Variants in SGCD observed in about 807,000 individuals in gnomAD.
SGCD encodes the protein delta-sarcoglycan.
A neutral mutation model predicts 36.6 loss-of-function variants in SGCD; 18 were observed. That is an observed-to-expected ratio of 0.49 (90% CI 0.34 to 0.73). SGCD has a LOEUF of 0.73. Among genes scored for constraint, SGCD ranks in the 30% least tolerant of loss-of-function variants. The pLI is 0.01. For synonymous variants in SGCD, 133 were observed against 130.6 expected, an observed-to-expected ratio of 1.02 and a Z score of -0.12; for missense variants, 387 against 346.7, an observed-to-expected ratio of 1.12 and a Z score of -0.92.
intron 1 of SGCD, among the ~76,000 whole-genome samples, chr5:155,925,777 A>G (rs991920815): frequency 6.6e-6 from 1 of 151,948 alleles, no homozygotes; most frequent in Non-Finnish European, 1.5e-5. Context: ...CACCTTACCC[A>G]GCTAATTTTT....
chr5:156,591,515 G>C (rs1405695025), intron 5 of SGCD, among the ~76,000 whole-genome samples: 3 of 152,184 alleles, frequency 2.0e-5, no homozygotes, highest in Non-Finnish European at 4.4e-5. Context: ...ATGAGGGAGT[G>C]GGGAAGGGTT....
chr5:156,136,447 T>G (rs114009853), intron 3 of SGCD, among the ~76,000 whole-genome samples: 1,809 of 152,302 alleles, frequency 0.012, 37 homozygotes, highest in African/African-American at 0.042. Flanking sequence ...GTTTCTTTTT[T>G]CTCAGAAATG....
chr5:155,871,329 C>A (rs1192136975), intron 1 of SGCD, among the ~76,000 whole-genome samples: 1 of 152,086 alleles, frequency 6.6e-6, no homozygotes, highest in African/African-American at 2.4e-5. Flanking sequence ...ACAGGCACTC[C>A]CAGAATGTGG....
At chr5:156,440,231 A>G (rs1753424561) in intron 3 of SGCD, among the ~76,000 whole-genome samples, 1 of 152,166 alleles carries the variant, frequency 6.6e-6, no homozygotes, top group South Asian at 2.1e-4. Flanking sequence ...AGATGAAATC[A>G]TACAACATTT....
rs200255528 is a variant in SGCD, at chr5:156,055,192, C to CA, written c.-281-62686_-281-62685insA. Among the ~76,000 whole-genome samples the CA allele has an allele frequency of 3.0e-4, 43 of 145,118 alleles. No individual in the cohort carries two copies. The East Asian group carries it at 8.1e-3, about 27-fold the overall frequency. ...GAAGAATTCAGCCCTGAGGCTACTCCTTTTTTTTCTTTCTTTCTTTCTTTT... is the reference window on the plus strand; with the variant it reads ...GAAGAATTCAGCCCTGAGGCTACTCCATTTTTTTTCTTTCTTTCTTTCTTTT... On this transcript the variant is annotated intron_variant, in intron 1 of 9. Coordinates refer to the SGCD transcript ENST00000517913.
At chr5:156,709,533 CTG>C (rs1754891627) in intron 7 of SGCD, among the ~76,000 whole-genome samples, 1 of 152,066 alleles carries the variant, frequency 6.6e-6, no homozygotes, top group Non-Finnish European at 1.5e-5. Context: ...AAGACAAAAA[CTG>C]AAGAGAATAA....
chr5:156,057,052 A>G (rs1760083185), intron 1 of SGCD, among the ~76,000 whole-genome samples: 1 of 146,560 alleles, frequency 6.8e-6, no homozygotes, highest in Admixed American at 6.8e-5. Flanking sequence ...TGATCCATAG[A>G]AAACAGCTTG....
intron 3 of SGCD, among the ~76,000 whole-genome samples, chr5:156,371,901 T>A (rs1561651642): frequency 1.3e-5 from 2 of 152,350 alleles, no homozygotes; most frequent in South Asian, 4.1e-4. Context: ...GTGTCTTTTA[T>A]ATGTTAAATT....
chr5:156,514,957 GATA>G (rs1461130809), intron 4 of SGCD, among the ~76,000 whole-genome samples: 3 of 152,164 alleles, frequency 2.0e-5, no homozygotes, highest in Non-Finnish European at 4.4e-5. Flanking sequence ...TGACAATGAT[GATA>G]ATGATGATGA....
At chr5:156,089,985 G>A (rs1193995398) in intron 1 of SGCD, among the ~76,000 whole-genome samples, 1 of 152,124 alleles carries the variant, frequency 6.6e-6, no homozygotes, top group East Asian at 1.9e-4. Context: ...CTTTCTCAGT[G>A]GAATGGAGTT....
chr5:156,691,510 T>A (rs1754110508), intron 7 of SGCD, among the ~76,000 whole-genome samples: 1 of 152,198 alleles, frequency 6.6e-6, no homozygotes. Flanking sequence ...GTTTGTGACA[T>A]AATTACTCAA....
At chr5:156,151,239 T>A (rs144517835) in intron 3 of SGCD, among the ~76,000 whole-genome samples, 1 of 151,744 alleles carries the variant, frequency 6.6e-6, no homozygotes, top group East Asian at 1.9e-4. Flanking sequence ...GAGACAAACT[T>A]TCCTGTATCT....
At chr5:156,371,600 G>A (rs931494721) in intron 3 of SGCD, among the ~76,000 whole-genome samples, 9 of 152,240 alleles carry the variant, frequency 5.9e-5, no homozygotes, top group Admixed American at 2.6e-4. Flanking sequence ...AAGTAAGCCC[G>A]GAATCAAAAT....
chr5:156,660,435 T>C (rs1763870655), intron 7 of SGCD, among the ~76,000 whole-genome samples: 1 of 152,304 alleles, frequency 6.6e-6, no homozygotes, highest in African/African-American at 2.4e-5. Context: ...GATGGGTTCA[T>C]TGTAGAACTT....
At chr5:156,629,149 G>A (rs1762538858) in intron 6 of SGCD, among the ~76,000 whole-genome samples, 1 of 152,186 alleles carries the variant, frequency 6.6e-6, no homozygotes, top group Non-Finnish European at 1.5e-5. Flanking sequence ...TAAAGTGATT[G>A]GCATTGGAGT....
chr5:156,595,122 T>C, intron 6 of SGCD, 71 bp downstream of exon 6: 2 of 1,515,898 alleles, frequency 1.3e-6, no homozygotes, highest in Non-Finnish European at 8.9e-7. Flanking sequence ...CAAAATGGTG[T>C]TATGAACAGG....
intron 3 of SGCD, among the ~76,000 whole-genome samples, chr5:156,447,452 G>A (rs892186284): frequency 6.6e-6 from 1 of 152,118 alleles, no homozygotes; most frequent in African/African-American, 2.4e-5. Flanking sequence ...CTGTGGCCAT[G>A]TTGCCTTAAT....
rs886933294 is a variant in SGCD, at chr5:156,764,088, A to C, written c.*4698A>C. The C allele has an allele frequency of 5.3e-5, 8 of 152,208 alleles. No homozygotes were observed. Among genetic ancestry groups the C allele is most frequent in the Admixed American group, 6.5e-5 (1 of 15,278 alleles). 9.4% of individuals were successfully genotyped at this position (152,208 alleles called of 1,614,324 possible). A position where few individuals can be genotyped will look rare whatever the true frequency, so the allele number is the denominator to read the frequency against. On this transcript the variant is annotated 3_prime_UTR_variant, in exon 9 of 9. Coordinates refer to ENST00000337851, the MANE Select transcript of SGCD (RefSeq NM_000337.6). ...AATCTTAGGCATGAAAAGGATAAGG[A>C]AACAGCTCCTGGAATGATACATTTG...
At chr5:156,059,107 A>AT (rs1391594156) in intron 1 of SGCD, among the ~76,000 whole-genome samples, 1 of 141,388 alleles carries the variant, frequency 7.1e-6, no homozygotes, top group African/African-American at 2.7e-5. Context: ...CATTTTTTAA[A>AT]TAAAAAAAAA....
Sources: gnomAD v4.1 joint callset for allele counts (sites outside exome capture counted in the v4.1 genomes callset) on GRCh38, gnomAD v4.1.1 for gene constraint, MANE v1.5 for transcripts, NCBI Gene and HGNC (gene_info 2026-07-23, HGNC 2026-07-21) for gene names.